Variants in ZNF207 observed in about 807,000 individuals in gnomAD.
The protein encoded by ZNF207 is BUB3-interacting and GLEBS motif-containing protein ZNF207.
A neutral mutation model predicts 60.2 loss-of-function variants in ZNF207; 24 were observed. The ratio of observed to expected loss-of-function variants is 0.40; its 90% CI spans 0.29 to 0.56. The LOEUF (loss-of-function observed/expected upper bound fraction) is 0.56, where lower values mean the gene tolerates loss of function less well. ZNF207 is among the 20% of genes least tolerant of loss of function. The pLI, the probability that ZNF207 is intolerant of heterozygous loss-of-function variation, is 0.49. For missense variants in ZNF207, 452 were observed against 636.6 expected, an observed-to-expected ratio of 0.71 and a Z score of 3.12; for synonymous variants, 236 against 194.7, an observed-to-expected ratio of 1.21 and a Z score of -1.77.
chr17:32,355,166 G>A (rs1003476727), intron 2 of ZNF207, among the ~76,000 whole-genome samples: 4 of 152,150 alleles, frequency 2.6e-5, no homozygotes, highest in African/African-American at 9.7e-5. Context: ...AGGCCGAGAT[G>A]GACTAATCAC....
In ZNF207 at chr17:32,363,036, G is replaced by GT. The variant is rs748245226; in HGVS notation, c.670+59dup. The GT allele has an allele frequency of 1.4e-5, 22 of 1,536,306 alleles. No homozygotes were observed. The East Asian group carries it at 3.4e-4, about 24-fold the overall frequency. ...TATGATGTACAGGCTTTATTTCTAA[G>GT]TTTTTTTAGACGTCTGTGGGCATTA... On this transcript the variant is annotated intron_variant, in intron 7 of 11. Transcript: ENST00000394670.
rs1597795859 is a variant in ZNF207, at chr17:32,370,407, C to G, written c.*648C>G. The G allele has an allele frequency of 2.0e-5, 3 of 152,580 alleles. No individual in the cohort carries two copies. The highest frequency in any genetic ancestry group is 4.4e-5 in the Non-Finnish European group (3 of 68,032). The allele number at this position is 152,580 out of a possible 1,614,324, so 9.5% of individuals were successfully genotyped here. A position where few individuals can be genotyped will look rare whatever the true frequency, so the allele number is the denominator to read the frequency against. On this transcript the variant is annotated 3_prime_UTR_variant, in exon 12 of 12. Transcript: ENST00000394670. Reference sequence around the variant, plus strand: ...CTGAAAGGTTTGTACAGATGCATGCCACAGTAGATGTCCACATAATAAAAT... The same window carrying G: ...CTGAAAGGTTTGTACAGATGCATGCGACAGTAGATGTCCACATAATAAAAT...
chr17:32,366,118 T>C (rs974111369), intron 8 of ZNF207, among the ~76,000 whole-genome samples: 11 of 152,264 alleles, frequency 7.2e-5, no homozygotes, highest in African/African-American at 2.7e-4. Context: ...TCAGATTTAA[T>C]TTATTCAGAA....
At chr17:32,352,034 C>G in intron 2 of ZNF207, 122 bp downstream of exon 2, 1 of 902,158 alleles carries the variant, frequency 1.1e-6, no homozygotes, top group South Asian at 2.2e-5. Flanking sequence ...GTGGTGCAAT[C>G]TCGGCCCACT....
At chr17:32,358,371 G>T in intron 2 of ZNF207, 132 bp from the exon 3 acceptor site, 1 of 753,346 alleles carries the variant, frequency 1.3e-6, no homozygotes, top group Non-Finnish European at 2.0e-6. Context: ...CAGAGCTAGT[G>T]AATGGCAAAA....
intron 1 of ZNF207, chr17:32,351,387 A>G (rs569484409): frequency 9.3e-5 from 104 of 1,123,032 alleles, no homozygotes; most frequent in East Asian, 7.1e-4. Flanking sequence ...AGTTATTGCT[A>G]TCGTCTTCAT....
Position 32,373,429 on chromosome 17 carries a change from T to G in ZNF207, c.*3670T>G. ...CCATAGGACAGGCTGAGGCTGAGTC[T>G]CAGTGTTGCCCTGTTCAGTCTGAGG... On this transcript the variant is annotated 3_prime_UTR_variant, in exon 12 of 12. Transcript: ENST00000394670. 1.4e-6 allele frequency: 1 copy of G among 691,504 alleles called. No individual in the cohort carries two copies. 42.8% of individuals were successfully genotyped at this position (691,504 alleles called of 1,614,324 possible).
intron 7 of ZNF207, among the ~76,000 whole-genome samples, chr17:32,364,635 G>C (rs1483835205): frequency 6.6e-6 from 1 of 152,162 alleles, no homozygotes; most frequent in Non-Finnish European, 1.5e-5. Flanking sequence ...TGGGATTATA[G>C]TCGTGAGCCA....
intron 7 of ZNF207, among the ~76,000 whole-genome samples, chr17:32,363,391 C>T (rs1008261966): frequency 6.6e-6 from 1 of 151,356 alleles, no homozygotes; most frequent in African/African-American, 2.4e-5. Context: ...CCTGGCTGGC[C>T]CTTTCTTGAA....
chr17:32,359,182 G>A (rs181589797), intron 3 of ZNF207, among the ~76,000 whole-genome samples: 4 of 151,666 alleles, frequency 2.6e-5, no homozygotes, highest in South Asian at 4.2e-4. Flanking sequence ...GTGCGATCTC[G>A]GCTTACCACA....
chr17:32,367,007 G>T (rs917532457), intron 9 of ZNF207, among the ~76,000 whole-genome samples: 57 of 151,776 alleles, frequency 3.8e-4, no homozygotes, highest in Admixed American at 3.7e-3. Context: ...CCAATGGTTA[G>T]CCTGATGCAT....
At chr17:32,358,294 T>C (rs1904665322) in intron 2 of ZNF207, among the ~76,000 whole-genome samples, 1 of 152,226 alleles carries the variant, frequency 6.6e-6, no homozygotes, top group South Asian at 2.1e-4. Context: ...AAAACAACTC[T>C]AGAAGTTAGC....
In ZNF207 at chr17:32,350,195, G is replaced by C. The variant is rs780529544; in HGVS notation, c.-91G>C. On this transcript the variant is annotated 5_prime_UTR_variant, in exon 1 of 12. Coordinates refer to ENST00000394670, the MANE Select transcript of ZNF207 (RefSeq NM_001098507.2). ...TGTCTGCTTCCTGTGGGACGTGGTG[G>C]TAGCCGTTGGGTTGGGAAAGTGAGG... 1.3e-6 allele frequency: 2 copies of C among 1,575,918 alleles called. No individual in the cohort carries two copies. The highest frequency in any genetic ancestry group is 3.4e-5 in the Admixed American group (2 of 59,620).
intron 1 of ZNF207, 90 bp downstream of exon 1, chr17:32,350,416 G>T (rs2041479603): frequency 1.3e-6 from 2 of 1,567,060 alleles, no homozygotes; most frequent in Admixed American, 3.3e-5. Flanking sequence ...CTTACGGCGT[G>T]GAGCGTTTGT....
rs1002297424 is a variant in ZNF207, at chr17:32,372,342, AGGG to A, written c.*2585_*2587del. On this transcript the variant is annotated 3_prime_UTR_variant, in exon 12 of 12. Coordinates refer to ENST00000394670, the MANE Select transcript of ZNF207 (RefSeq NM_001098507.2). The stretch of plus-strand genomic sequence containing the variant: ...TGATTAAATTTAGAATAATTAAGTA[AGGG>A]GTGCTCTCCCAAATTCTCAGGAATT... 1 of 152,198 alleles carries A rather than the reference AGGG, an allele frequency of 6.6e-6. No homozygotes were observed. Among genetic ancestry groups the A allele is most frequent in the Non-Finnish European group, 1.5e-5 (1 of 68,026 alleles). The allele number at this position is 152,198 out of a possible 1,614,324, so 9.4% of individuals were successfully genotyped here.
intron 6 of ZNF207, among the ~76,000 whole-genome samples, chr17:32,362,072 G>T (rs1439992387): frequency 6.6e-6 from 1 of 151,184 alleles, no homozygotes; most frequent in Non-Finnish European, 1.5e-5. Flanking sequence ...AGGCCATCTG[G>T]TTTTACTTTT....
intron 2 of ZNF207, among the ~76,000 whole-genome samples, chr17:32,353,524 G>C (rs1415817824): frequency 6.6e-6 from 1 of 152,098 alleles, no homozygotes; most frequent in Non-Finnish European, 1.5e-5. Flanking sequence ...GCTCACGCCT[G>C]TAATCCCAGC....
chr17:32,353,701 C>T lies in ZNF207; in HGVS notation c.168+1789C>T, dbSNP rs1462202917. 7.1e-5 allele frequency among the ~76,000 whole-genome samples: 10 copies of T among 140,660 alleles called. No individual in the cohort carries two copies. The East Asian group carries it at 1.7e-3, about 24-fold the overall frequency. 92.3% of individuals were successfully genotyped at this position (140,660 alleles called of 152,430 possible). ...CGGGGGGAGGGCTGGGGGCGGGGGGCGCGAGGCGGGTGCTGAGACAGGAGA... is the reference window on the plus strand; with the variant it reads ...CGGGGGGAGGGCTGGGGGCGGGGGGTGCGAGGCGGGTGCTGAGACAGGAGA... On this transcript the variant is annotated intron_variant, in intron 2 of 11. Coordinates refer to ENST00000394670, the MANE Select transcript of ZNF207 (RefSeq NM_001098507.2).
intron 7 of ZNF207, among the ~76,000 whole-genome samples, chr17:32,364,928 T>C (rs915362807): frequency 3.3e-5 from 5 of 152,250 alleles, no homozygotes. Context: ...TGTTTAACTT[T>C]GGAAAAGTTT....
Sources: allele counts gnomAD v4.1 joint callset (sites outside exome capture counted in the v4.1 genomes callset), GRCh38; gene constraint gnomAD v4.1.1; transcripts MANE v1.5; gene names NCBI Gene and HGNC (gene_info 2026-07-23, HGNC 2026-07-21).